PRELID2: variants seen among roughly 807,000 people sequenced by gnomAD.
The protein encoded by PRELID2 is PRELI domain containing 2.
In PRELID2, 25 loss-of-function variants were observed where a neutral mutation model predicts 28.4. That is an observed-to-expected ratio of 0.88 (90% CI 0.64 to 1.23). The LOEUF (loss-of-function observed/expected upper bound fraction) is 1.23, where lower values mean the gene tolerates loss of function less well. Among genes scored for constraint, PRELID2 ranks in the 50% most tolerant of loss-of-function variants. PRELID2 has a pLI of 0.00. For missense variants in PRELID2, 201 were observed against 214.4 expected, an observed-to-expected ratio of 0.94 and a Z score of 0.39; for synonymous variants, 76 against 71.6, an observed-to-expected ratio of 1.06 and a Z score of -0.31.
chr5:145,832,323 A>T (rs1291506089), intron 1 of PRELID2, among the ~76,000 whole-genome samples: 1 of 152,114 alleles, frequency 6.6e-6, no homozygotes, highest in Non-Finnish European at 1.5e-5. Flanking sequence ...AGCTGGGATT[A>T]CAGGCATAGG....
At chr5:145,539,106 C>G (rs566632050) in intron 1 of PRELID2, among the ~76,000 whole-genome samples, 9 of 151,988 alleles carry the variant, frequency 5.9e-5, no homozygotes, top group Admixed American at 3.3e-4. Context: ...AAACAAGGAG[C>G]CTTCATCAGA....
chr5:145,312,191 C>CAA, the PRELID2 span, among the ~76,000 whole-genome samples: 84 of 141,952 alleles, frequency 5.9e-4, no homozygotes, highest in Middle Eastern at 3.5e-3. Context: ...ACTAAAAATA[C>CAA]AAAAAAAAAA....
chr5:145,250,799 T>C, the PRELID2 span, among the ~76,000 whole-genome samples: 2 of 151,988 alleles, frequency 1.3e-5, no homozygotes, highest in Non-Finnish European at 2.9e-5. Context: ...CAAACAAAAA[T>C]AAAACAAACA....
At position 145,732,308 on chromosome 5, in the gene PRELID2, C is replaced by T. The variant is rs544921314; in HGVS notation, n.70+32623G>A. Among the ~76,000 whole-genome samples, 11 of 152,298 alleles carry T rather than the reference C, an allele frequency of 7.2e-5. No individual in the cohort carries two copies. The East Asian group carries it at 2.1e-3, about 29-fold the overall frequency. On this transcript the variant is annotated intron_variant and non_coding_transcript_variant, in intron 1 of 2. Coordinates refer to the PRELID2 transcript ENST00000510259. ...TAACACACTTTTGAGAAATGAGTTA[C>T]TCCACACATGTAAAAAGGCATGACA...
chr5:145,239,795 T>C, the PRELID2 span, among the ~76,000 whole-genome samples: 1 of 151,988 alleles, frequency 6.6e-6, no homozygotes, highest in Non-Finnish European at 1.5e-5. Flanking sequence ...AATGGACCCT[T>C]ATAGAAGCTT....
intron 1 of PRELID2, among the ~76,000 whole-genome samples, chr5:145,740,820 A>ATCTT (rs1581122215): frequency 8.6e-6 from 1 of 116,136 alleles, no homozygotes; most frequent in East Asian, 2.5e-4. Context: ...CATTATACAT[A>ATCTT]TATACAAATA....
the PRELID2 span, among the ~76,000 whole-genome samples, chr5:145,288,310 C>T: frequency 6.6e-5 from 10 of 152,036 alleles, no homozygotes; most frequent in African/African-American, 2.2e-4. Flanking sequence ...CATATATATT[C>T]ATTTTTTACT....
At chr5:145,647,223 A>C (rs1419821820) in intron 1 of PRELID2, among the ~76,000 whole-genome samples, 1 of 152,002 alleles carries the variant, frequency 6.6e-6, no homozygotes, top group Non-Finnish European at 1.5e-5. Flanking sequence ...GCCCAGAGAG[A>C]AATCTAGGGA....
chr5:145,830,462 G>A (rs957395561), intron 1 of PRELID2, among the ~76,000 whole-genome samples: 7 of 152,320 alleles, frequency 4.6e-5, no homozygotes, highest in African/African-American at 1.7e-4. Context: ...AGGTCTAAGT[G>A]AGATTCCAGA....
At chr5:145,819,461 A>C (rs765201951) in intron 3 of PRELID2, 2 of 1,242,552 alleles carry the variant, frequency 1.6e-6, no homozygotes, top group Admixed American at 1.8e-5. Flanking sequence ...TTCATCATCA[A>C]TGATATTACT....
chr5:145,405,862 T>C, the PRELID2 span, among the ~76,000 whole-genome samples: 38 of 151,956 alleles, frequency 2.5e-4, no homozygotes, highest in Admixed American at 1.3e-3. Context: ...CCTGCCACCA[T>C]GCCTGGCTAA....
intron 1 of PRELID2, among the ~76,000 whole-genome samples, chr5:145,479,417 T>C (rs546589175): frequency 1.3e-5 from 2 of 152,274 alleles, no homozygotes; most frequent in East Asian, 3.9e-4. Context: ...CTACCTCCTG[T>C]TCATCCTGCA....
chr5:145,298,161 A>G, the PRELID2 span, among the ~76,000 whole-genome samples: 3 of 152,200 alleles, frequency 2.0e-5, no homozygotes, highest in African/African-American at 7.2e-5. Context: ...CGCATCGCCC[A>G]GTCAATCCTA....
chr5:145,326,171 A>C, the PRELID2 span, among the ~76,000 whole-genome samples: 1 of 152,038 alleles, frequency 6.6e-6, no homozygotes, highest in Non-Finnish European at 1.5e-5. Flanking sequence ...TACCTGGCTA[A>C]TTTTTTTAAT....
intron 1 of PRELID2, among the ~76,000 whole-genome samples, chr5:145,722,958 A>G (rs1756033443): frequency 6.6e-6 from 1 of 152,168 alleles, no homozygotes; most frequent in Admixed American, 6.6e-5. Context: ...AATTTGACCA[A>G]ACTATCAATA....
chr5:145,547,207 T>C (rs1580974058), intron 1 of PRELID2, among the ~76,000 whole-genome samples: 1 of 152,066 alleles, frequency 6.6e-6, no homozygotes, highest in Admixed American at 6.5e-5. Context: ...GGAGGAACTA[T>C]TCATTATAAC....
chr5:145,812,007 G>T (rs1240677698), intron 4 of PRELID2, among the ~76,000 whole-genome samples: 1 of 152,110 alleles, frequency 6.6e-6, no homozygotes, highest in Non-Finnish European at 1.5e-5. Context: ...TGCTTCAGAG[G>T]GAGATGACCT....
the PRELID2 span, among the ~76,000 whole-genome samples, chr5:145,351,026 T>G: frequency 6.6e-6 from 1 of 152,178 alleles, no homozygotes; most frequent in African/African-American, 2.4e-5. Flanking sequence ...TTTAGGTAAT[T>G]TAACTCTCAC....
downstream of PRELID2, among the ~76,000 whole-genome samples, chr5:145,470,586 GA>G (rs1243904436): frequency 2.0e-5 from 3 of 152,082 alleles, no homozygotes; most frequent in Non-Finnish European, 4.4e-5. Context: ...ATGGAGCTGG[GA>G]AATGATAGAG....
Sources: allele counts gnomAD v4.1 joint callset (sites outside exome capture counted in the v4.1 genomes callset), GRCh38; gene constraint gnomAD v4.1.1; transcripts MANE v1.5; gene names NCBI Gene and HGNC (gene_info 2026-07-23, HGNC 2026-07-21).